MYO9A: variants seen among roughly 807,000 people sequenced by gnomAD.
MYO9A encodes the protein unconventional myosin-IXa.
In MYO9A, 103 loss-of-function variants were observed where a neutral mutation model predicts 293.3. The ratio of observed to expected loss-of-function variants is 0.35; its 90% confidence interval spans 0.30 to 0.41. MYO9A has a LOEUF of 0.41. Among genes scored for constraint, MYO9A ranks in the 10% least tolerant of loss-of-function variants. The pLI, the probability that MYO9A is intolerant of heterozygous loss-of-function variation, is 1.00. For synonymous variants in MYO9A, 1,001 were observed against 1,035.7 expected (o/e 0.97, Z 0.64); for missense variants, 2,685 against 3,033.0 (o/e 0.89, Z 2.69).
At chr15:71,950,971 C>G (rs375447186) in intron 15 of MYO9A, among the ~76,000 whole-genome samples, 8 of 152,238 alleles carry the variant, frequency 5.3e-5, no homozygotes, top group African/African-American at 1.9e-4. Context: ...AATCTTACAA[C>G]TGGCAAAAGA....
At chr15:71,867,691 C>T (rs1259320540) in intron 32 of MYO9A, among the ~76,000 whole-genome samples, 1 of 150,170 alleles carries the variant, frequency 6.7e-6, no homozygotes, top group Non-Finnish European at 1.5e-5. Flanking sequence ...TGTAGAGATA[C>T]AAACTACAAA....
chr15:72,038,581 C>T (rs1385949323), intron 2 of MYO9A, among the ~76,000 whole-genome samples: 1 of 152,146 alleles, frequency 6.6e-6, no homozygotes, highest in Non-Finnish European at 1.5e-5. Context: ...CACAAAAAGA[C>T]ACCAATTTAA....
At chr15:71,900,302 G>C (rs1248073985) in intron 23 of MYO9A, among the ~76,000 whole-genome samples, 1 of 151,828 alleles carries the variant, frequency 6.6e-6, no homozygotes, top group African/African-American at 2.4e-5. Flanking sequence ...TGGGCGTGGT[G>C]GTGGGTGCCT....
In MYO9A at chr15:71,876,074, T is replaced by C. The variant is rs190847702; in HGVS notation, c.5932-236A>G. ...GAAGGATACTTTAGAGATTATTCTT[T>C]TTTAAACCTCAGTTCTGCCCAGAAG... On this transcript the variant is annotated intron_variant, in intron 31 of 41. Coordinates refer to ENST00000356056, the MANE Select transcript of MYO9A (RefSeq NM_006901.4). 1.6e-4 allele frequency among the ~76,000 whole-genome samples: 25 copies of C among 152,290 alleles called. No homozygotes were observed. In the East Asian group the frequency reaches 4.4e-3, roughly 27 times the overall value.
chr15:71,841,808 T>C (rs959187801), intron 39 of MYO9A, among the ~76,000 whole-genome samples: 2 of 144,968 alleles, frequency 1.4e-5, no homozygotes, highest in Non-Finnish European at 3.0e-5. Flanking sequence ...GTTTTTTTTT[T>C]TGTTTTTTTT....
chr15:71,910,074 TTATATATATACACGTATATATATATACG>T (rs1023306049), intron 19 of MYO9A, among the ~76,000 whole-genome samples: 5 of 148,462 alleles, frequency 3.4e-5, no homozygotes, highest in East Asian at 2.0e-4. Flanking sequence ...AGCCCCAATT[TTATATATATACACGTATATATATATACG>T]TATATATATA....
intron 1 of MYO9A, among the ~76,000 whole-genome samples, chr15:72,054,617 G>A (rs1412318842): frequency 7.2e-6 from 1 of 139,740 alleles, no homozygotes; most frequent in African/African-American, 2.7e-5. Context: ...GTTGAAGTGA[G>A]TAAAGTGAGT....
intron 1 of MYO9A, among the ~76,000 whole-genome samples, chr15:72,090,188 T>G (rs989014230): frequency 6.6e-6 from 1 of 152,238 alleles, no homozygotes; most frequent in Non-Finnish European, 1.5e-5. Flanking sequence ...ATTCAAGTTT[T>G]CCAATGAACT....
At chr15:72,027,369 T>A (rs2077705536) in intron 4 of MYO9A, among the ~76,000 whole-genome samples, 1 of 152,198 alleles carries the variant, frequency 6.6e-6, no homozygotes, top group African/African-American at 2.4e-5. Context: ...AAGACCTGTA[T>A]ACCTCAAGTA....
rs55671352 is a variant in MYO9A at position 71,888,221 on chromosome 15, A to C, written c.5143-105T>G. On this transcript the variant is annotated intron_variant, in intron 26 of 41. Coordinates refer to ENST00000356056, the MANE Select transcript of MYO9A (RefSeq NM_006901.4). The stretch of plus-strand genomic sequence containing the variant: ...TTACTTGAGCTATTTAAAAACACAC[A>C]AAACATTGATATTATTCAGAGATTC... 3.1e-3 allele frequency: 1,773 copies of C among 580,094 alleles called. 7 individuals are homozygous for C. Among genetic ancestry groups the C allele is most frequent in the Admixed American group, 5.3e-3 (160 of 30,302 alleles). The allele number at this position is 580,094 out of a possible 1,614,324, so 35.9% of individuals were successfully genotyped here.
intron 14 of MYO9A, among the ~76,000 whole-genome samples, chr15:71,958,291 T>C (rs1402432885): frequency 6.6e-6 from 1 of 152,172 alleles, no homozygotes; most frequent in Admixed American, 6.5e-5. Flanking sequence ...TAAACCATTT[T>C]TACAATCTGT....
At chr15:71,868,141 T>C (rs749299808) in intron 32 of MYO9A, among the ~76,000 whole-genome samples, 1 of 152,234 alleles carries the variant, frequency 6.6e-6, no homozygotes, top group Non-Finnish European at 1.5e-5. Flanking sequence ...GGATGCTCTG[T>C]GGAACAATCT....
intron 6 of MYO9A, 91 bp from the exon 7 acceptor site, chr15:72,010,538 C>A (rs769270713): frequency 7.9e-6 from 9 of 1,133,882 alleles, no homozygotes; most frequent in Non-Finnish European, 1.1e-5. Context: ...AGGATAGGTA[C>A]CTGTATGTAT....
intron 1 of MYO9A, among the ~76,000 whole-genome samples, chr15:72,101,993 A>G (rs1596579148): frequency 6.6e-6 from 1 of 151,802 alleles, no homozygotes; most frequent in Non-Finnish European, 1.5e-5. Context: ...AGGTGTGCCC[A>G]ACAGCTCATT....
chr15:71,991,814 C>G (rs1596333251), intron 10 of MYO9A, among the ~76,000 whole-genome samples: 1 of 152,168 alleles, frequency 6.6e-6, no homozygotes, highest in South Asian at 2.1e-4. Context: ...AGTACAGTGA[C>G]GTGATCTCAG....
At chr15:71,847,534 AAG>A in intron 39 of MYO9A, 1 of 415,334 alleles carries the variant, frequency 2.4e-6, no homozygotes, top group South Asian at 1.6e-5. Flanking sequence ...GCCTCATTAA[AAG>A]AGAAGGTTTA....
intron 33 of MYO9A, 54 bp from the exon 34 acceptor site, chr15:71,859,850 A>AGT: frequency 3.4e-6 from 5 of 1,462,430 alleles, no homozygotes; most frequent in Non-Finnish European, 4.8e-6. Context: ...ATCAGTGATA[A>AGT]TAACTTATCA....
At chr15:71,926,219 G>A (rs1477599485) in intron 18 of MYO9A, among the ~76,000 whole-genome samples, 1 of 152,144 alleles carries the variant, frequency 6.6e-6, no homozygotes, top group African/African-American at 2.4e-5. Flanking sequence ...CTATGTTGGT[G>A]CCACCAAGCA....
Position 71,983,235 on chromosome 15 carries a change from T to C in MYO9A, c.1723-4943A>G, listed in dbSNP as rs187657416. Among the ~76,000 whole-genome samples the C allele has an allele frequency of 3.6e-4, 55 of 152,120 alleles. 1 individual carries two copies. Among genetic ancestry groups the C allele is most frequent in the African/African-American group, 1.2e-3 (51 of 41,560 alleles). ...CTTTCTTCTGGATTGAGTGTTCTTA[T>C]TTTACTTATCCTCTGTATTTTTTTT... On this transcript the variant is annotated intron_variant, in intron 11 of 41. Transcript: ENST00000356056.
Sources: gnomAD v4.1 joint callset for allele counts (sites outside exome capture counted in the v4.1 genomes callset) on GRCh38, gnomAD v4.1.1 for gene constraint, MANE v1.5 for transcripts, NCBI Gene and HGNC (gene_info 2026-07-23, HGNC 2026-07-21) for gene names.